SVOPL: variants seen among roughly 807,000 people sequenced by gnomAD.
The protein encoded by SVOPL is putative transporter SVOPL.
SVOPL carries 60 observed loss-of-function variants against 61.0 expected under a neutral mutation model. The ratio of observed to expected loss-of-function variants is 0.98; its 90% CI spans 0.80 to 1.22. The LOEUF (loss-of-function observed/expected upper bound fraction) is 1.22. Ranked by LOEUF, SVOPL falls within the 50% of genes most tolerant of loss-of-function variation. The pLI is 0.00. For missense variants in SVOPL, 662 were observed against 643.9 expected, an observed-to-expected ratio of 1.03 and a Z score of -0.30; for synonymous variants, 279 against 250.0, an observed-to-expected ratio of 1.12 and a Z score of -1.09.
At chr7:138,660,153 C>A (rs140064962) in intron 5 of SVOPL, 165 bp from the exon 6 acceptor site, 878 of 1,412,516 alleles carry the variant, frequency 6.2e-4, no homozygotes, top group Non-Finnish European at 7.4e-4. Flanking sequence ...ACAATACAAT[C>A]CATGCCATTC....
chr7:138,630,129 T>C lies in SVOPL; in HGVS notation c.790-7A>G. On this transcript the variant is annotated splice_region_variant and splice_polypyrimidine_tract_variant and intron_variant, in intron 9 of 15. Transcript: ENST00000674285. The stretch of plus-strand genomic sequence containing the variant: ...CAAATCTTCCTCTTTTTTCCTGGGG[T>C]AATGAAAAGGAGACAGAACATACTC... The C allele has an allele frequency of 6.2e-6, 10 of 1,611,170 alleles. No individual in the cohort carries two copies. Among genetic ancestry groups the C allele is most frequent in the Non-Finnish European group, 8.5e-6 (10 of 1,177,392 alleles).
intron 6 of SVOPL, among the ~76,000 whole-genome samples, chr7:138,659,436 G>C (rs1801901750): frequency 6.6e-6 from 1 of 150,960 alleles, no homozygotes; most frequent in Admixed American, 6.6e-5. Flanking sequence ...AGGTTGCAGT[G>C]AACTGAGATT....
intron 14 of SVOPL, among the ~76,000 whole-genome samples, chr7:138,605,419 T>C (rs1304162640): frequency 6.6e-6 from 1 of 152,114 alleles, no homozygotes; most frequent in East Asian, 1.9e-4. Flanking sequence ...CCTAGCACTT[T>C]GGGAGGCCGA....
At chr7:138,685,328 C>T (rs1802783289) in intron 1 of SVOPL, among the ~76,000 whole-genome samples, 1 of 152,096 alleles carries the variant, frequency 6.6e-6, no homozygotes, top group East Asian at 1.9e-4. Context: ...TTAAACAAGC[C>T]AGGCACAGAA....
chr7:138,662,449 A>T, intron 5 of SVOPL: 1 of 985,432 alleles, frequency 1.0e-6, no homozygotes, highest in Non-Finnish European at 1.2e-6. Context: ...CTGGGGGGTT[A>T]GAGACTTTAT....
intron 13 of SVOPL, among the ~76,000 whole-genome samples, chr7:138,621,677 C>T (rs1584791689): frequency 6.6e-6 from 1 of 152,200 alleles, no homozygotes; most frequent in African/African-American, 2.4e-5. Context: ...CCCACCTCAA[C>T]CTCCCAAAGT....
intron 14 of SVOPL, among the ~76,000 whole-genome samples, chr7:138,608,561 G>A (rs937824510): frequency 9.2e-5 from 14 of 152,188 alleles, no homozygotes; most frequent in African/African-American, 3.4e-4. Context: ...CCACGGCCTG[G>A]AAGAGGGCAC....
chr7:138,597,638 C>CTGTGTGTGTGTGTG (rs1201281515), intron 14 of SVOPL, among the ~76,000 whole-genome samples: 2 of 103,062 alleles, frequency 1.9e-5, no homozygotes, highest in East Asian at 4.7e-4. Context: ...TGTATAACGT[C>CTGTGTGTGTGTGTG]TGCGTGTGTG....
chr7:138,649,419 G>A (rs551832041), intron 7 of SVOPL, among the ~76,000 whole-genome samples: 186 of 151,722 alleles, frequency 1.2e-3, no homozygotes, highest in African/African-American at 3.7e-3. Flanking sequence ...TCAGCCTCCC[G>A]AGTAGCTGGG....
At chr7:138,667,886 C>T (rs1184458066) in intron 4 of SVOPL, among the ~76,000 whole-genome samples, 1 of 152,194 alleles carries the variant, frequency 6.6e-6, no homozygotes, top group Non-Finnish European at 1.5e-5. Flanking sequence ...TAGTTTAAAA[C>T]AAAGATGATA....
chr7:138,615,638 T>G (rs1373151714), intron 14 of SVOPL, among the ~76,000 whole-genome samples: 1 of 39,116 alleles, frequency 2.6e-5, no homozygotes, highest in Non-Finnish European at 5.4e-5. Flanking sequence ...CTACTAAAAA[T>G]ACAAAAATTA....
At chr7:138,614,249 C>T (rs116103748) in intron 14 of SVOPL, among the ~76,000 whole-genome samples, 166 of 152,234 alleles carry the variant, frequency 1.1e-3, no homozygotes, top group African/African-American at 3.6e-3. Flanking sequence ...CTCCTTCCTC[C>T]TAACAGAGTC....
intron 8 of SVOPL, among the ~76,000 whole-genome samples, chr7:138,647,604 C>T (rs143201518): frequency 0.025 from 3,845 of 150,790 alleles, 145 homozygotes; most frequent in East Asian, 0.18. Flanking sequence ...TAATCCCAGC[C>T]CTTTGGGAGG....
intron 9 of SVOPL, among the ~76,000 whole-genome samples, chr7:138,636,765 C>A (rs1369310221): frequency 6.6e-6 from 1 of 152,024 alleles, no homozygotes; most frequent in African/African-American, 2.4e-5. Flanking sequence ...GCCACCACAC[C>A]CGGCGGATTT....
rs1259465320 is a variant in SVOPL at position 138,641,833 on chromosome 7, TAAC to T, written c.789+2881_789+2883del. On this transcript the variant is annotated intron_variant, in intron 9 of 15. Transcript: ENST00000674285. ...TATATGTTATATATATATATATATA[TAAC>T]ATATATATATAACATATATATAGTC... 9.3e-3 allele frequency among the ~76,000 whole-genome samples: 347 copies of T among 37,158 alleles called. 3 individuals carry two copies. Among genetic ancestry groups the T allele is most frequent in the Middle Eastern group, 0.028 (1 of 36 alleles). The allele number at this position is 37,158 out of a possible 152,430, so 24.4% of individuals were successfully genotyped here.
At chr7:138,623,698 A>G (rs1799773729) in intron 13 of SVOPL, among the ~76,000 whole-genome samples, 1 of 152,256 alleles carries the variant, frequency 6.6e-6, no homozygotes, top group Non-Finnish European at 1.5e-5. Flanking sequence ...ATGCAGTTCT[A>G]GAAGTACACC....
At chr7:138,683,273 A>G (rs1802737325) in intron 1 of SVOPL, among the ~76,000 whole-genome samples, 1 of 152,128 alleles carries the variant, frequency 6.6e-6, no homozygotes, top group South Asian at 2.1e-4. Context: ...AAGAATGGTG[A>G]TCTATTGAAA....
chr7:138,618,380 G>C (rs940709156), intron 14 of SVOPL, among the ~76,000 whole-genome samples: 2 of 151,964 alleles, frequency 1.3e-5, no homozygotes, highest in Admixed American at 1.3e-4. Context: ...AGGGTAGCAG[G>C]CTGGGCACGG....
At chr7:138,697,228 A>C (rs995872708) in intron 1 of SVOPL, among the ~76,000 whole-genome samples, 5 of 152,056 alleles carry the variant, frequency 3.3e-5, no homozygotes, top group African/African-American at 1.2e-4. Context: ...ACTACTACTA[A>C]TAACTTTAAA....
Sources: allele counts gnomAD v4.1 joint callset (sites outside exome capture counted in the v4.1 genomes callset), GRCh38; gene constraint gnomAD v4.1.1; transcripts MANE v1.5; gene names NCBI Gene and HGNC (gene_info 2026-07-23, HGNC 2026-07-21).